The following MLLT3 variants were observed in gnomAD, a reference collection of about 807,000 sequenced individuals.
The protein encoded by MLLT3 is MLLT3 super elongation complex subunit.
Under a neutral mutation model 53.2 loss-of-function variants are expected in MLLT3, and 4 were observed. The ratio of observed to expected loss-of-function variants is 0.08; its 90% CI spans 0.04 to 0.17. The LOEUF (loss-of-function observed/expected upper bound fraction) is 0.17, where lower values mean the gene tolerates loss of function less well. Among genes scored for constraint, MLLT3 ranks in the 10% least tolerant of loss-of-function variants. The pLI is 1.00. For missense variants in MLLT3, 569 were observed against 684.0 expected, an observed-to-expected ratio of 0.83 and a Z score of 1.87; for synonymous variants, 283 against 230.6, an observed-to-expected ratio of 1.23 and a Z score of -2.06.
intron 4 of MLLT3, among the ~76,000 whole-genome samples, chr9:20,446,124 T>C (rs1205991541): frequency 6.6e-6 from 1 of 152,236 alleles, no homozygotes; most frequent in Non-Finnish European, 1.5e-5. Flanking sequence ...GGAATTATTA[T>C]GATTTTTAAT....
At chr9:20,450,475 C>T (rs1298674502) in intron 3 of MLLT3, among the ~76,000 whole-genome samples, 4 of 152,146 alleles carry the variant, frequency 2.6e-5, no homozygotes, top group African/African-American at 9.7e-5. Context: ...TCTCTTACTA[C>T]CTTTCCTATA....
At chr9:20,443,940 C>T (rs1390137608) in intron 4 of MLLT3, among the ~76,000 whole-genome samples, 1 of 152,150 alleles carries the variant, frequency 6.6e-6, no homozygotes, top group Non-Finnish European at 1.5e-5. Context: ...GAATTTAAAA[C>T]TTTTCCAATT....
At chr9:20,480,919 G>A (rs1028366284) in intron 2 of MLLT3, among the ~76,000 whole-genome samples, 1 of 152,100 alleles carries the variant, frequency 6.6e-6, no homozygotes, top group Non-Finnish European at 1.5e-5. Context: ...ATTCAAAGGA[G>A]AATAAAAGGC....
chr9:20,597,447 G>C (rs534994789), intron 2 of MLLT3, among the ~76,000 whole-genome samples: 1 of 151,788 alleles, frequency 6.6e-6, no homozygotes, highest in Admixed American at 6.6e-5. Flanking sequence ...CAAGTAATTT[G>C]TATAGACATC....
In MLLT3 at chr9:20,363,468, A is replaced by G. The variant is rs542325999; in HGVS notation, c.1331+8T>C. 6.2e-7 allele frequency: 1 copy of G among 1,613,634 alleles called. No individual in the cohort carries two copies. ...CACAGGCAACCCCTTTCCTTCCAAG[A>G]TACTCACCTGCGACTTCGGCTGCCT... is the stretch of plus-strand genomic sequence containing the variant. On this transcript the variant is annotated splice_region_variant and intron_variant, in intron 7 of 10. Transcript: ENST00000380338.
intron 2 of MLLT3, among the ~76,000 whole-genome samples, chr9:20,553,426 C>T (rs1449278213): frequency 1.3e-5 from 2 of 152,074 alleles, no homozygotes; most frequent in Non-Finnish European, 2.9e-5. Context: ...TGTTAGGTGC[C>T]CAGGACATGA....
intron 5 of MLLT3, among the ~76,000 whole-genome samples, chr9:20,371,068 C>G (rs1230042238): frequency 1.3e-5 from 2 of 152,178 alleles, no homozygotes; most frequent in Non-Finnish European, 2.9e-5. Flanking sequence ...ACAACACTTC[C>G]TTAAACCAAA....
intron 2 of MLLT3, among the ~76,000 whole-genome samples, chr9:20,488,750 G>C (rs972719572): frequency 1.3e-5 from 2 of 152,146 alleles, no homozygotes; most frequent in Non-Finnish European, 2.9e-5. Flanking sequence ...TAATGTAAAG[G>C]AACAAATGCC....
intron 2 of MLLT3, among the ~76,000 whole-genome samples, chr9:20,564,998 AAGTT>A (rs2131156312): frequency 6.6e-6 from 1 of 152,284 alleles, no homozygotes; most frequent in Admixed American, 6.5e-5. Context: ...TATCTGTAAA[AAGTT>A]AGAGAATTAA....
rs1483204071 is a variant in MLLT3 at position 20,341,833 on chromosome 9, A to T, written c.*4610T>A. On this transcript the variant is annotated 3_prime_UTR_variant, in exon 11 of 11. Coordinates refer to ENST00000380338, the MANE Select transcript of MLLT3 (RefSeq NM_004529.4). ...GTTTCTGAACAAAACCCTCCAAAGA[A>T]ATAGGGGGGAAAGAAAAAATACCGG... 2.4e-5 allele frequency: 5 copies of T among 205,062 alleles called. No homozygotes were observed. Among genetic ancestry groups the T allele is most frequent in the Non-Finnish European group, 3.0e-5 (3 of 100,346 alleles). The allele number at this position is 205,062 out of a possible 1,614,324, so 12.7% of individuals were successfully genotyped here.
chr9:20,436,285 G>T (rs1241147274), intron 4 of MLLT3, among the ~76,000 whole-genome samples: 1 of 152,174 alleles, frequency 6.6e-6, no homozygotes, highest in Non-Finnish European at 1.5e-5. Context: ...TACAGAAAAT[G>T]CAAACTTAAC....
At chr9:20,502,194 A>C (rs137860072) in intron 2 of MLLT3, 1 of 154,072 alleles carries the variant, frequency 6.5e-6, no homozygotes, top group East Asian at 1.9e-4. Context: ...GTAAGCAAAA[A>C]TTCCAGAGTA....
Position 20,456,795 on chromosome 9 carries a change from T to A in MLLT3, c.194-9A>T. On this transcript the variant is annotated splice_polypyrimidine_tract_variant and intron_variant, in intron 2 of 10. Transcript: ENST00000380338. ...AGGTGGATCTTTGCACACTGCAACA[T>A]TAAAAAAGAAAATAGGTAAGATGAG... The A allele has an allele frequency of 3.9e-6, 6 of 1,557,600 alleles. No homozygotes were observed. Among genetic ancestry groups the A allele is most frequent in the Non-Finnish European group, 5.2e-6 (6 of 1,153,422 alleles).
intron 5 of MLLT3, among the ~76,000 whole-genome samples, chr9:20,393,982 T>G (rs532597089): frequency 1.3e-5 from 2 of 152,318 alleles, no homozygotes; most frequent in South Asian, 4.2e-4. Flanking sequence ...AAGCTTCATA[T>G]CTAAAAAAGA....
intron 2 of MLLT3, among the ~76,000 whole-genome samples, chr9:20,523,837 G>A (rs1022407147): frequency 2.0e-5 from 3 of 152,098 alleles, no homozygotes; most frequent in African/African-American, 7.2e-5. Flanking sequence ...CAGGCATTGT[G>A]GAGTGTGCCT....
intron 2 of MLLT3, among the ~76,000 whole-genome samples, chr9:20,571,027 C>A (rs558338367): frequency 3.3e-5 from 5 of 152,216 alleles, no homozygotes; most frequent in South Asian, 2.1e-4. Flanking sequence ...CTTTATCACT[C>A]ACTGAAAATA....
At chr9:20,616,507 AC>A (rs1382446560) in intron 2 of MLLT3, among the ~76,000 whole-genome samples, 1 of 152,188 alleles carries the variant, frequency 6.6e-6, no homozygotes, top group Non-Finnish European at 1.5e-5. Flanking sequence ...ATCAAACACT[AC>A]AAAAATAACC....
At chr9:20,591,622 A>C (rs539250059) in intron 2 of MLLT3, among the ~76,000 whole-genome samples, 79 of 152,350 alleles carry the variant, frequency 5.2e-4, no homozygotes, top group Non-Finnish European at 9.4e-4. Flanking sequence ...TAGGGAACAA[A>C]GAATCACCTG....
intron 5 of MLLT3, among the ~76,000 whole-genome samples, chr9:20,399,148 G>T (rs950327364): frequency 2.1e-4 from 32 of 152,106 alleles, no homozygotes; most frequent in South Asian, 4.1e-4. Flanking sequence ...GCCAAGACTT[G>T]TCTTATTTGT....
Sources: allele counts gnomAD v4.1 joint callset (sites outside exome capture counted in the v4.1 genomes callset), GRCh38; gene constraint gnomAD v4.1.1; transcripts MANE v1.5; gene names NCBI Gene and HGNC (gene_info 2026-07-23, HGNC 2026-07-21).